ADAM18: variants seen among roughly 807,000 people sequenced by gnomAD.
The protein encoded by ADAM18 is disintegrin and metalloproteinase domain-containing protein 18.
Under a neutral mutation model 94.4 loss-of-function variants are expected in ADAM18, and 117 were observed. The observed-to-expected ratio is 1.24, with a 90% CI of 1.07 to 1.45. The LOEUF (loss-of-function observed/expected upper bound fraction) is 1.45, where lower values mean the gene tolerates loss of function less well. ADAM18 is among the 40% of genes most tolerant of loss of function. The probability of loss-of-function intolerance (pLI) is 0.00; values close to 1 mark genes in which losing one functional copy is unlikely to be tolerated. For missense variants in ADAM18, 936 were observed against 880.0 expected (o/e 1.06, Z -0.81); for synonymous variants, 327 against 291.6 (o/e 1.12, Z -1.24).
At chr8:39,649,197 A>T (rs987847314) in intron 12 of ADAM18, among the ~76,000 whole-genome samples, 2 of 152,094 alleles carry the variant, frequency 1.3e-5, no homozygotes, top group African/African-American at 2.4e-5. Flanking sequence ...TCCTCCCTAC[A>T]TAAACAGCTG....
chr8:39,719,562 C>A (rs201960), intron 18 of ADAM18, among the ~76,000 whole-genome samples: 5 of 151,340 alleles, frequency 3.3e-5, no homozygotes, highest in African/African-American at 1.2e-4. Flanking sequence ...AAAATATATA[C>A]CTGATAAAGT....
At chr8:39,703,637 T>C (rs1822150487) in intron 17 of ADAM18, among the ~76,000 whole-genome samples, 1 of 152,100 alleles carries the variant, frequency 6.6e-6, no homozygotes, top group African/African-American at 2.4e-5. Context: ...ATGGCTCTTA[T>C]TGTTTTGAGG....
chr8:39,611,093 A>G (rs913322181), intron 6 of ADAM18: 9 of 998,466 alleles, frequency 9.0e-6, no homozygotes, highest in Non-Finnish European at 1.1e-5. Context: ...GCATGTTGCC[A>G]GATGCTCTTA....
intron 18 of ADAM18, among the ~76,000 whole-genome samples, chr8:39,709,990 A>G (rs956123029): frequency 2.2e-4 from 33 of 152,224 alleles, no homozygotes; most frequent in Admixed American, 6.5e-4. Context: ...TAATGTGACA[A>G]TATCACTGCG....
At chr8:39,724,673 GTTT>G (rs1431156047) in intron 19 of ADAM18, among the ~76,000 whole-genome samples, 13 of 151,682 alleles carry the variant, frequency 8.6e-5, no homozygotes, top group Non-Finnish European at 1.8e-4. Context: ...TGAGATCTTT[GTTT>G]TTCTGATACA....
chr8:39,689,053 G>A (rs1408844163), intron 16 of ADAM18, among the ~76,000 whole-genome samples: 1 of 151,786 alleles, frequency 6.6e-6, no homozygotes, highest in Non-Finnish European at 1.5e-5. Context: ...ACTTTTTAAT[G>A]GCTTTTTTTT....
chr8:39,638,603 G>T, intron 10 of ADAM18, 57 bp downstream of exon 10: 1 of 1,079,912 alleles, frequency 9.3e-7, no homozygotes, highest in Admixed American at 2.5e-5. Context: ...ATTATATTTT[G>T]TAAGTATTAA....
intron 14 of ADAM18, among the ~76,000 whole-genome samples, chr8:39,669,588 G>T (rs530664184): frequency 1.5e-3 from 220 of 150,890 alleles, no homozygotes; most frequent in African/African-American, 4.7e-3. Context: ...CCTTGCCATA[G>T]TTTGCTGAGA....
At chr8:39,650,672 A>G (rs1169282569) in intron 12 of ADAM18, among the ~76,000 whole-genome samples, 1 of 152,236 alleles carries the variant, frequency 6.6e-6, no homozygotes, top group Non-Finnish European at 1.5e-5. Flanking sequence ...CATGTTCAAG[A>G]GCTGGAAAAG....
rs1240910186 is a variant in ADAM18 at position 39,680,044 on chromosome 8, C to A, written c.1639C>A (p.Leu547Ile). 1.2e-6 allele frequency: 2 copies of A among 1,613,238 alleles called. No homozygotes were observed. The highest frequency in any genetic ancestry group is 1.3e-5 in the African/African-American group (1 of 74,856). ...QPLPCERKDV[L>I]CGKLACVQPH... ...TTTGCTTTCCACTTCCAGGGATGTTCTCTGTGGAAAATTAGCTTGTGTTCA... is the reference window on the plus strand; with the variant it reads ...TTTGCTTTCCACTTCCAGGGATGTTATCTGTGGAAAATTAGCTTGTGTTCA... The change falls in exon 16 of 20, where the codon CTC becomes ATC. Residue 547 changes from leucine (L) to isoleucine (I), a missense_variant. By Grantham distance (5) the Leu-to-Ile change is conservative. Transcript: ENST00000265707.
At chr8:39,722,005 G>A (rs2129581804) in intron 18 of ADAM18, among the ~76,000 whole-genome samples, 1 of 150,638 alleles carries the variant, frequency 6.6e-6, no homozygotes, top group East Asian at 1.9e-4. Context: ...ATCAGTGGAG[G>A]ACTGGATAAA....
In ADAM18 at chr8:39,705,086, A is replaced by G. The variant is rs191211703; in HGVS notation, c.1903-1704A>G. Reference sequence around the variant, plus strand: ...AATTATCATATTTTGGTTTACCTTCAAACTTTGAAACTCTGTTCTACTATA... The same window carrying G: ...AATTATCATATTTTGGTTTACCTTCGAACTTTGAAACTCTGTTCTACTATA... On this transcript the variant is annotated intron_variant, in intron 17 of 19. Coordinates refer to ENST00000265707, the MANE Select transcript of ADAM18 (RefSeq NM_014237.3). Among the ~76,000 whole-genome samples the G allele has an allele frequency of 3.0e-3, 458 of 152,242 alleles. 2 individuals carry two copies. Among genetic ancestry groups the G allele is most frequent in the African/African-American group, 0.011 (444 of 41,568 alleles).
intron 12 of ADAM18, among the ~76,000 whole-genome samples, chr8:39,659,498 G>T (rs1820774307): frequency 6.6e-6 from 1 of 151,960 alleles, no homozygotes; most frequent in African/African-American, 2.4e-5. Flanking sequence ...AAACTAAGAA[G>T]ATGGGCAAGA....
Position 39,701,447 on chromosome 8 carries a change from CTTTTT to C in ADAM18, c.1903-5341_1903-5337del, listed in dbSNP as rs1822077177. Among the ~76,000 whole-genome samples, 25 of 151,884 alleles carry C rather than the reference CTTTTT, an allele frequency of 1.6e-4. No homozygotes were observed. The South Asian group carries it at 5.0e-3, about 30-fold the overall frequency. On this transcript the variant is annotated intron_variant, in intron 17 of 19. Transcript: ENST00000265707. ...TTATATTTCACATTTAAACATTTTT[CTTTTT>C]TATTTTTTAATTAATTATGAATTAA...
intron 2 of ADAM18, among the ~76,000 whole-genome samples, chr8:39,596,409 G>C (rs1818741855): frequency 6.6e-6 from 1 of 152,130 alleles, no homozygotes; most frequent in Admixed American, 6.5e-5. Flanking sequence ...TTTCCAGAGT[G>C]TGTTATAATT....
rs148838419 is a variant in ADAM18 at position 39,584,673 on chromosome 8, C to T, written c.51C>T (p.His17=). 1.3e-4 allele frequency: 204 copies of T among 1,613,160 alleles called. 1 individual carries two copies. In the African/African-American group the frequency reaches 2.3e-3, roughly 18 times the overall value. The change falls in exon 1 of 20, where the codon CAC becomes CAT. Residue 17 remains histidine (H), a synonymous_variant. Coordinates refer to ENST00000265707, the MANE Select transcript of ADAM18 (RefSeq NM_014237.3). ...LLTELGRLQA[H]EGSEGIFLHV... Reference sequence around the variant, plus strand: ...CTGAGCTTGGAAGACTGCAAGCCCACGAAGGTAAGTCCATGGGAGCCTCCC... The same window carrying T: ...CTGAGCTTGGAAGACTGCAAGCCCATGAAGGTAAGTCCATGGGAGCCTCCC...
rs776813751 is a variant in ADAM18 at position 39,667,989 on chromosome 8, T to C, written c.1327-9T>C. 3.0e-5 allele frequency: 49 copies of C among 1,611,646 alleles called. No homozygotes were observed. Among genetic ancestry groups the C allele is most frequent in the Non-Finnish European group, 4.1e-5 (48 of 1,178,616 alleles). On this transcript the variant is annotated splice_polypyrimidine_tract_variant and intron_variant, in intron 13 of 19. Transcript: ENST00000265707. ...CAGAACTTAATTTTATTTTTCCTTT[T>C]CCTCCCAGTTGTCAATAGCAGGCAC... is the stretch of plus-strand genomic sequence containing the variant.
At chr8:39,627,586 C>G (rs1225476521) in intron 6 of ADAM18, among the ~76,000 whole-genome samples, 1 of 152,020 alleles carries the variant, frequency 6.6e-6, no homozygotes, top group Non-Finnish European at 1.5e-5. Context: ...ACCCCTTTGC[C>G]TTGAATCTAT....
At chr8:39,602,024 A>G (rs1481802783) in intron 2 of ADAM18, among the ~76,000 whole-genome samples, 2 of 152,128 alleles carry the variant, frequency 1.3e-5, no homozygotes, top group African/African-American at 4.8e-5. Flanking sequence ...ATGCTGCATA[A>G]TAATCTGTTG....
Sources: gnomAD v4.1 joint callset for allele counts (sites outside exome capture counted in the v4.1 genomes callset) on GRCh38, gnomAD v4.1.1 for gene constraint, MANE v1.5 for transcripts, NCBI Gene and HGNC (gene_info 2026-07-23, HGNC 2026-07-21) for gene names.